ARID1B: variants seen among roughly 807,000 people sequenced by gnomAD.
ARID1B encodes the protein AT-rich interactive domain-containing protein 1B.
Under a neutral mutation model 212.3 loss-of-function variants are expected in ARID1B, and 30 were observed. The observed-to-expected ratio is 0.14, with a 90% CI of 0.11 to 0.19. The LOEUF is 0.19. ARID1B is among the 10% of genes least tolerant of loss of function. The pLI, the probability that ARID1B is intolerant of heterozygous loss-of-function variation, is 1.00. For missense variants in ARID1B, 2,891 were observed against 3,204.0 expected, an observed-to-expected ratio of 0.90 and a Z score of 2.36; for synonymous variants, 1,402 against 1,301.7, an observed-to-expected ratio of 1.08 and a Z score of -1.66.
At chr6:156,818,660 A>G (rs1392616533) in intron 1 of ARID1B, among the ~76,000 whole-genome samples, 1 of 152,236 alleles carries the variant, frequency 6.6e-6, no homozygotes, top group Non-Finnish European at 1.5e-5. Flanking sequence ...GAGAGATGTG[A>G]ACCCAGGTGT....
intron 3 of ARID1B, among the ~76,000 whole-genome samples, chr6:156,909,073 A>T (rs1471264290): frequency 6.9e-6 from 1 of 145,800 alleles, no homozygotes; most frequent in African/African-American, 2.5e-5. Context: ...ATCATTCTGT[A>T]TGTGTGTATA....
intron 11 of ARID1B, among the ~76,000 whole-genome samples, chr6:157,177,935 A>G (rs1382763502): frequency 1.3e-5 from 2 of 152,186 alleles, no homozygotes; most frequent in Non-Finnish European, 2.9e-5. Context: ...GCGTCTATGA[A>G]CAAGGACAGT....
chr6:157,133,010 C>T lies in ARID1B; in HGVS notation c.2582-18C>T, dbSNP rs1406321158. The T allele has an allele frequency of 1.0e-5, 16 of 1,589,190 alleles. No homozygotes were observed. Among genetic ancestry groups the T allele is most frequent in the Non-Finnish European group, 1.3e-5 (15 of 1,169,566 alleles). On this transcript the variant is annotated intron_variant, in intron 6 of 19. Coordinates refer to ENST00000636930, the MANE Select transcript of ARID1B (RefSeq NM_001374828.1). ...TGAAACACCTGCATTTATATGTTTC[C>T]ATTTATTTCCCACTTAGGTTTTATG... is the stretch of plus-strand genomic sequence containing the variant.
At chr6:157,112,922 CT>C (rs573564655) in intron 6 of ARID1B, among the ~76,000 whole-genome samples, 290 of 137,114 alleles carry the variant, frequency 2.1e-3, no homozygotes, top group Middle Eastern at 3.6e-3. Context: ...ATGACCACTT[CT>C]TTTTTTTTTT....
chr6:157,155,469 T>A (rs1790515702), intron 8 of ARID1B, among the ~76,000 whole-genome samples: 1 of 151,688 alleles, frequency 6.6e-6, no homozygotes, highest in African/African-American at 2.4e-5. Flanking sequence ...AGTCTCAGAC[T>A]TCTTAATTTC....
At position 156,896,994 on chromosome 6, in the gene ARID1B, A is replaced by G. The variant is rs141210205; in HGVS notation, c.1987-4382A>G. 3.5e-3 allele frequency among the ~76,000 whole-genome samples: 526 copies of G among 152,334 alleles called. 2 individuals are homozygous for G. The highest frequency in any genetic ancestry group is 5.7e-3 in the Non-Finnish European group (387 of 68,036). ...TCAGGGTATGGTGAAATGAAAAATG[A>G]GTCCTGACCCTGCATATTTAACGTG... On this transcript the variant is annotated intron_variant, in intron 2 of 19. Coordinates refer to ENST00000636930, the MANE Select transcript of ARID1B (RefSeq NM_001374828.1).
rs573186478 is a variant in ARID1B, at chr6:156,840,830, A to G, written c.1986+11409A>G. ...TTTCTTCCTCTCTGATTCTAACCCC[A>G]TTGAGTAAATTGGAGATGGCTGCTA... On this transcript the variant is annotated intron_variant, in intron 2 of 19. Transcript: ENST00000636930. Among the ~76,000 whole-genome samples the G allele has an allele frequency of 5.9e-5, 9 of 152,202 alleles. No individual in the cohort carries two copies. The South Asian group carries it at 1.7e-3, about 28-fold the overall frequency.
chr6:156,990,364 C>T (rs147681610), intron 4 of ARID1B, among the ~76,000 whole-genome samples: 1 of 152,028 alleles, frequency 6.6e-6, no homozygotes, highest in East Asian at 1.9e-4. Context: ...TTTTGTAGGC[C>T]GGGCGCTGTG....
intron 11 of ARID1B, among the ~76,000 whole-genome samples, chr6:157,177,985 A>C (rs572375467): frequency 6.6e-6 from 1 of 152,322 alleles, no homozygotes. Flanking sequence ...GATAACGTAC[A>C]TGCTCTCTAT....
intron 3 of ARID1B, among the ~76,000 whole-genome samples, chr6:156,923,831 C>T (rs987502760): frequency 6.6e-6 from 1 of 151,946 alleles, no homozygotes; most frequent in African/African-American, 2.4e-5. Context: ...CCTCAGCCTC[C>T]CAAGTAGCTG....
chr6:156,896,640 G>T (rs1028507933), intron 2 of ARID1B, among the ~76,000 whole-genome samples: 3 of 150,120 alleles, frequency 2.0e-5, no homozygotes, highest in Non-Finnish European at 4.4e-5. Flanking sequence ...CAGCACTCTG[G>T]GAGGCCAAGG....
rs190219326 is a variant in ARID1B at position 157,014,838 on chromosome 6, C to T, written c.2248-69824C>T. Among the ~76,000 whole-genome samples the T allele has an allele frequency of 1.5e-3, 233 of 151,540 alleles. 1 individual carries two copies. Among genetic ancestry groups the T allele is most frequent in the Non-Finnish European group, 2.4e-3 (165 of 67,940 alleles). On this transcript the variant is annotated intron_variant, in intron 4 of 19. Transcript: ENST00000636930. ...TGATGAGTAAAAAATTACCAATTAC[C>T]TTATGTATACTAAATACTGTACTAG... is the stretch of plus-strand genomic sequence containing the variant.
intron 13 of ARID1B, 145 bp from the exon 14 acceptor site, chr6:157,189,497 A>T (rs1030150706): frequency 7.7e-5 from 77 of 1,002,770 alleles, no homozygotes; most frequent in Non-Finnish European, 1.1e-4. Flanking sequence ...CAACATCATT[A>T]TCAGCAATGG....
At chr6:156,969,446 G>A (rs1471099942) in intron 4 of ARID1B, among the ~76,000 whole-genome samples, 1 of 152,162 alleles carries the variant, frequency 6.6e-6, no homozygotes, top group Non-Finnish European at 1.5e-5. Context: ...CCAGCTAGAG[G>A]AAGGAGTGCA....
intron 6 of ARID1B, among the ~76,000 whole-genome samples, chr6:157,117,576 C>G (rs1448763503): frequency 6.6e-6 from 1 of 152,202 alleles, no homozygotes; most frequent in Non-Finnish European, 1.5e-5. Context: ...CTGCATGGCC[C>G]TCGGTGTTCA....
chr6:157,054,873 CG>C (rs1782846033), intron 4 of ARID1B, among the ~76,000 whole-genome samples: 1 of 152,206 alleles, frequency 6.6e-6, no homozygotes, highest in Non-Finnish European at 1.5e-5. Flanking sequence ...CTGTCTCAGC[CG>C]TACCTCATTC....
chr6:157,131,734 AG>A (rs984338174), intron 6 of ARID1B, among the ~76,000 whole-genome samples: 2 of 152,210 alleles, frequency 1.3e-5, no homozygotes, highest in Non-Finnish European at 2.9e-5. Context: ...TGTATGGCCC[AG>A]GCTGGAGTGC....
At chr6:157,146,693 G>T (rs747919156) in intron 7 of ARID1B, among the ~76,000 whole-genome samples, 1 of 152,184 alleles carries the variant, frequency 6.6e-6, no homozygotes, top group Non-Finnish European at 1.5e-5. Flanking sequence ...CTTCTCGAGT[G>T]CAAGAACTGG....
At position 157,191,997 on chromosome 6, in the gene ARID1B, T is replaced by G. The variant is rs148943376; in HGVS notation, c.4231+1787T>G. On this transcript the variant is annotated intron_variant, in intron 15 of 19. Transcript: ENST00000636930. ...GGCATATACCATTTAAAAATGAAATTCATAGTATTTCATGTACAACATTTC... is the reference window on the plus strand; with the variant it reads ...GGCATATACCATTTAAAAATGAAATGCATAGTATTTCATGTACAACATTTC... Among the ~76,000 whole-genome samples the G allele has an allele frequency of 8.5e-5, 13 of 152,270 alleles. No individual in the cohort carries two copies. The South Asian group carries it at 2.7e-3, about 32-fold the overall frequency.
Sources: gnomAD v4.1 joint callset for allele counts (sites outside exome capture counted in the v4.1 genomes callset) on GRCh38, gnomAD v4.1.1 for gene constraint, MANE v1.5 for transcripts, NCBI Gene and HGNC (gene_info 2026-07-23, HGNC 2026-07-21) for gene names.